The following ZMYM2 variants were observed in gnomAD, a reference collection of about 807,000 sequenced individuals.
The protein encoded by ZMYM2 is zinc finger MYM-type protein 2.
Under a neutral mutation model 162.8 loss-of-function variants are expected in ZMYM2, and 56 were observed. The ratio of observed to expected loss-of-function variants is 0.34; its 90% CI spans 0.28 to 0.43. The LOEUF (loss-of-function observed/expected upper bound fraction) is 0.43. ZMYM2 is among the 20% of genes least tolerant of loss of function. The pLI is 1.00. For synonymous variants in ZMYM2, 510 were observed against 541.6 expected (o/e 0.94, Z 0.81); for missense variants, 1,275 against 1,621.8 (o/e 0.79, Z 3.67).
chr13:19,929,440 A>G, the ZMYM2 span, among the ~76,000 whole-genome samples: 14 of 152,016 alleles, frequency 9.2e-5, no homozygotes, highest in Non-Finnish European at 1.6e-4. Context: ...GGGTTTCACC[A>G]AGTTAGCCAG....
At chr13:19,900,918 G>A in the ZMYM2 span, among the ~76,000 whole-genome samples, 1 of 152,044 alleles carries the variant, frequency 6.6e-6, no homozygotes, top group Admixed American at 6.6e-5. Context: ...TGTAGTCCCA[G>A]CTACTCGTGA....
At chr13:20,045,862 A>G (rs2140482152) in intron 12 of ZMYM2, among the ~76,000 whole-genome samples, 2 of 152,010 alleles carry the variant, frequency 1.3e-5, no homozygotes, top group South Asian at 4.2e-4. Context: ...TTCTTGGAGG[A>G]TTTTTTTGTT....
chr13:19,872,125 A>C, the ZMYM2 span, among the ~76,000 whole-genome samples: 1 of 149,840 alleles, frequency 6.7e-6, no homozygotes. Flanking sequence ...GTAAGCCACC[A>C]TGTCTGGCTA....
chr13:19,899,836 A>AAAAG, the ZMYM2 span, among the ~76,000 whole-genome samples: 198 of 120,826 alleles, frequency 1.6e-3, 3 homozygotes, highest in African/African-American at 3.2e-3. Flanking sequence ...AAAAAAAAAA[A>AAAAG]AAGGAAAACA....
At chr13:19,999,983 TGTGGAGAC>T (rs1457813031) in intron 3 of ZMYM2, among the ~76,000 whole-genome samples, 1 of 152,108 alleles carries the variant, frequency 6.6e-6, no homozygotes, top group African/African-American at 2.4e-5. Context: ...AAATATTTTT[TGTGGAGAC>T]AGGGTTTCGC....
At chr13:20,063,094 T>G in intron 18 of ZMYM2, 123 bp downstream of exon 18, 1 of 1,214,536 alleles carries the variant, frequency 8.2e-7, no homozygotes, top group Non-Finnish European at 1.1e-6. Context: ...TCTTGTTATT[T>G]TTTAAACTCA....
At chr13:20,052,249 T>G in intron 13 of ZMYM2, 28 bp from the exon 14 acceptor site, 1 of 1,534,734 alleles carries the variant, frequency 6.5e-7, no homozygotes, top group Non-Finnish European at 8.8e-7. Context: ...AGTATTTGTC[T>G]TATTTTAAAT....
At chr13:19,865,811 A>G in the ZMYM2 span, among the ~76,000 whole-genome samples, 2 of 152,072 alleles carry the variant, frequency 1.3e-5, no homozygotes, top group Admixed American at 6.6e-5. Context: ...AAAATTTAGG[A>G]AAAAAAAGTC....
chr13:20,010,422 C>T (rs1207744421), intron 6 of ZMYM2, among the ~76,000 whole-genome samples: 2 of 152,024 alleles, frequency 1.3e-5, no homozygotes, highest in East Asian at 1.9e-4. Context: ...GGCCTGGTCT[C>T]GAACTCCTAA....
chr13:19,895,553 G>A, the ZMYM2 span, among the ~76,000 whole-genome samples: 5 of 151,704 alleles, frequency 3.3e-5, 1 homozygote, highest in African/African-American at 1.2e-4. Flanking sequence ...AGCTAGCTCT[G>A]GTCTCTTTCT....
At chr13:19,916,052 G>C in the ZMYM2 span, among the ~76,000 whole-genome samples, 1 of 151,882 alleles carries the variant, frequency 6.6e-6, no homozygotes, top group South Asian at 2.1e-4. Flanking sequence ...TAGCAGAGAT[G>C]AGGTTTCACC....
intron 2 of ZMYM2, among the ~76,000 whole-genome samples, chr13:19,961,173 T>G (rs1281316149): frequency 1.3e-5 from 2 of 151,950 alleles, no homozygotes; most frequent in African/African-American, 2.4e-5. Flanking sequence ...GTAAGAATAG[T>G]GTACTGAACC....
Position 19,980,143 on chromosome 13 carries a change from G to A in ZMYM2, c.-10-12920G>A, listed in dbSNP as rs144781550. Among the ~76,000 whole-genome samples the A allele has an allele frequency of 1.3e-3, 204 of 151,536 alleles. 2 individuals are homozygous for A. The highest frequency in any genetic ancestry group is 4.6e-3 in the African/African-American group (189 of 41,354). On this transcript the variant is annotated intron_variant, in intron 2 of 24. Coordinates refer to ENST00000610343, the MANE Select transcript of ZMYM2 (RefSeq NM_197968.4). The stretch of plus-strand genomic sequence containing the variant: ...ATTTTTAAATTTAAGACTTTATCTT[G>A]TATTAACGTTTATGTATGATGAGGG...
rs199575840 is a variant in ZMYM2 at position 19,962,496 on chromosome 13, G to GATATATATAT, written c.-11+2481_-11+2490dup. ...AGACTGGGCTATTCAAATTGCATGG[G>GATATATATAT]ATATATATATATATATATATTTTTT... is the stretch of plus-strand genomic sequence containing the variant. On this transcript the variant is annotated intron_variant, in intron 2 of 24. Coordinates refer to ENST00000610343, the MANE Select transcript of ZMYM2 (RefSeq NM_197968.4). Among the ~76,000 whole-genome samples the GATATATATAT allele has an allele frequency of 1.1e-3, 97 of 84,806 alleles. 3 individuals are homozygous for GATATATATAT. The highest frequency in any genetic ancestry group is 5.8e-3 in the African/African-American group (96 of 16,456). 55.6% of individuals were successfully genotyped at this position (84,806 alleles called of 152,430 possible).
At chr13:19,900,904 C>T in the ZMYM2 span, among the ~76,000 whole-genome samples, 5 of 151,996 alleles carry the variant, frequency 3.3e-5, no homozygotes, top group African/African-American at 4.8e-5. Context: ...TGGTGGCGGG[C>T]GCCTGTAGTC....
At chr13:20,041,361 G>C (rs1954229411) in intron 12 of ZMYM2, among the ~76,000 whole-genome samples, 1 of 151,744 alleles carries the variant, frequency 6.6e-6, no homozygotes, top group African/African-American at 2.4e-5. Context: ...AGTCTGTTTT[G>C]TCTGAGGCAA....
chr13:19,919,066 T>C, the ZMYM2 span, among the ~76,000 whole-genome samples: 1 of 152,136 alleles, frequency 6.6e-6, no homozygotes, highest in Non-Finnish European at 1.5e-5. Flanking sequence ...TTTCCACCTC[T>C]ATAATTTTGT....
the ZMYM2 span, among the ~76,000 whole-genome samples, chr13:19,922,408 A>G: frequency 2.0e-5 from 3 of 152,220 alleles, no homozygotes; most frequent in Non-Finnish European, 4.4e-5. Context: ...GGCAATAGCA[A>G]GCAGTTTCAA....
the ZMYM2 span, among the ~76,000 whole-genome samples, chr13:19,941,314 CA>C: frequency 9.0e-6 from 1 of 111,098 alleles, no homozygotes; most frequent in Non-Finnish European, 2.1e-5. Context: ...AACAAACAAA[CA>C]AAAAAACAAA....
Sources: allele counts gnomAD v4.1 joint callset (sites outside exome capture counted in the v4.1 genomes callset), GRCh38; gene constraint gnomAD v4.1.1; transcripts MANE v1.5; gene names NCBI Gene and HGNC (gene_info 2026-07-23, HGNC 2026-07-21).